TRIP11: variants seen among roughly 807,000 people sequenced by gnomAD.
The protein encoded by TRIP11 is thyroid receptor-interacting protein 11.
TRIP11 carries 148 observed loss-of-function variants against 223.1 expected under a neutral mutation model. The observed-to-expected ratio is 0.66, with a 90% CI of 0.58 to 0.76. TRIP11 has a LOEUF of 0.76. TRIP11 is among the 30% of genes least tolerant of loss of function. TRIP11 has a pLI of 0.00. For synonymous variants in TRIP11, 762 were observed against 772.6 expected (o/e 0.99, Z 0.23); for missense variants, 2,043 against 2,222.0 (o/e 0.92, Z 1.62).
intron 16 of TRIP11, among the ~76,000 whole-genome samples, chr14:91,983,194 T>C (rs1456368875): frequency 6.6e-6 from 1 of 152,256 alleles, no homozygotes; most frequent in Non-Finnish European, 1.5e-5. Flanking sequence ...ATGTATTTGA[T>C]GCATGTCATC....
rs2057361533 is a variant in TRIP11 at position 92,039,597 on chromosome 14, A to C, written c.89T>G (p.Ile30Arg). The C allele has an allele frequency of 3.7e-6, 6 of 1,613,834 alleles. No homozygotes were observed. Among genetic ancestry groups the C allele is most frequent in the Non-Finnish European group, 4.2e-6 (5 of 1,179,930 alleles). The change falls in exon 1 of 21, where the codon ATA becomes AGA. Residue 30 changes from isoleucine (I) to arginine (R), a missense_variant. Physicochemically the swap from Ile to Arg is moderately conservative, Grantham distance 97 (BLOSUM62 -3). Coordinates refer to ENST00000267622, the MANE Select transcript of TRIP11 (RefSeq NM_004239.4). ...GGSLASLTGQ[I>R]SNFTKDMLME... is the part of the protein sequence containing the mutation. ...CAGCATATCCTTTGTAAAGTTTGATATCTGGCCAGTGAGGGAAGCCAGGCT... is the reference window on the plus strand; with the variant it reads ...CAGCATATCCTTTGTAAAGTTTGATCTCTGGCCAGTGAGGGAAGCCAGGCT...
At chr14:92,025,183 T>A (rs556992711) in intron 3 of TRIP11, 127 bp downstream of exon 3, 1 of 737,188 alleles carries the variant, frequency 1.4e-6, no homozygotes, top group African/African-American at 1.8e-5. Context: ...GAGTCGAAAA[T>A]CATTAAATTC....
chr14:92,007,051 A>G (rs1408955582), intron 10 of TRIP11, among the ~76,000 whole-genome samples: 1 of 146,926 alleles, frequency 6.8e-6, no homozygotes, highest in Non-Finnish European at 1.5e-5. Flanking sequence ...TTTTTGAGAC[A>G]GAGTCGCTCT....
intron 16 of TRIP11, among the ~76,000 whole-genome samples, chr14:91,982,533 G>C (rs2140091722): frequency 6.6e-6 from 1 of 152,250 alleles, no homozygotes; most frequent in Non-Finnish European, 1.5e-5. Flanking sequence ...TGAGTGACAA[G>C]ATCATTTGTA....
intron 12 of TRIP11, among the ~76,000 whole-genome samples, chr14:91,999,761 T>C (rs1361565672): frequency 2.0e-5 from 3 of 152,182 alleles, no homozygotes; most frequent in Non-Finnish European, 2.9e-5. Flanking sequence ...CAATTTTTCT[T>C]ATATCCGAGA....
intron 9 of TRIP11, 76 bp from the exon 10 acceptor site, chr14:92,007,928 C>A (rs1487791414): frequency 4.3e-6 from 5 of 1,171,672 alleles, no homozygotes; most frequent in Non-Finnish European, 6.1e-6. Flanking sequence ...TACATAGAAG[C>A]AAAACTTGGG....
At chr14:92,001,211 T>A (rs961215904) in intron 11 of TRIP11, among the ~76,000 whole-genome samples, 5 of 152,204 alleles carry the variant, frequency 3.3e-5, no homozygotes, top group African/African-American at 1.2e-4. Context: ...ATGAACCTAT[T>A]TACAGTTTAG....
At position 92,015,776 on chromosome 14, in the gene TRIP11, G is replaced by C. The variant is rs1389737286; in HGVS notation, c.743C>G (p.Thr248Arg). ...TTCTCGATGTCGTCGACTTATTTCT[G>C]TCAATTTCTGTTGGTGTGCATTCTG... The part of the protein sequence containing the change: ...VLQNAHQQKL[T>R]EISRRHREEL... The change falls in exon 6 of 21, where the codon ACA becomes AGA. Residue 248 changes from threonine (T) to arginine (R), a missense_variant. Coordinates refer to ENST00000267622, the MANE Select transcript of TRIP11 (RefSeq NM_004239.4). 3 of 1,613,428 alleles carry C rather than the reference G, an allele frequency of 1.9e-6. No individual in the cohort carries two copies. The highest frequency in any genetic ancestry group is 2.2e-5 in the East Asian group (1 of 44,856).
chr14:91,992,079 CAAAAAAAA>C (rs3031548), intron 15 of TRIP11, among the ~76,000 whole-genome samples: 12 of 59,734 alleles, frequency 2.0e-4, no homozygotes, highest in African/African-American at 7.4e-4. Context: ...AACGCCGTCT[CAAAAAAAA>C]AAAAAAAAAA....
At chr14:92,018,829 C>T (rs867897141) in intron 4 of TRIP11, among the ~76,000 whole-genome samples, 33 of 151,402 alleles carry the variant, frequency 2.2e-4, no homozygotes, top group Non-Finnish European at 4.6e-4. Context: ...GGAGTGGTGG[C>T]GGGTGCCCGT....
intron 1 of TRIP11, among the ~76,000 whole-genome samples, chr14:92,034,549 C>T (rs573136823): frequency 3.9e-5 from 6 of 152,136 alleles, no homozygotes; most frequent in Admixed American, 3.9e-4. Flanking sequence ...GACCTATAAA[C>T]GAAGAAAAAT....
At position 92,005,727 on chromosome 14, in the gene TRIP11, C is replaced by G. The variant is rs200611568; in HGVS notation, c.2249G>C (p.Arg750Pro). 1 of 1,613,848 alleles carries G rather than the reference C, an allele frequency of 6.2e-7. No individual in the cohort carries two copies. Among genetic ancestry groups the G allele is most frequent in the African/African-American group, 1.3e-5 (1 of 74,928 alleles). Reference protein sequence around the residue: ...EKTIEELSNARNLNTSALQLE... With the variant: ...EKTIEELSNAPNLNTSALQLE... ...CTGTAAGGCAGAGGTATTCAAATTA[C>G]GTGCATTTGACAGTTCTTCAATGGT... Residue 750 changes from arginine (R) to proline (P), a missense_variant, in exon 11 of 21, where the codon CGT becomes CCT. Arg to Pro is a moderately radical substitution (Grantham distance 103). Coordinates refer to ENST00000267622, the MANE Select transcript of TRIP11 (RefSeq NM_004239.4).
Position 91,975,063 on chromosome 14 carries a change from T to A in TRIP11, c.5457+109A>T. 5 of 1,022,798 alleles carry A rather than the reference T, an allele frequency of 4.9e-6. No homozygotes were observed. The South Asian group carries it at 6.6e-5, about 13-fold the overall frequency. 63.4% of individuals were successfully genotyped at this position (1,022,798 alleles called of 1,614,324 possible). On this transcript the variant is annotated intron_variant, in intron 18 of 20. Coordinates refer to ENST00000267622, the MANE Select transcript of TRIP11 (RefSeq NM_004239.4). ...GTATGAAGTAATTCCATTTCCACAC[T>A]GAGAAAATTACACTCAGTAAAAGTT... is the stretch of plus-strand genomic sequence containing the variant.
rs142182577 is a variant in TRIP11 at position 91,972,161 on chromosome 14, C to T, written c.5719+556G>A. Among the ~76,000 whole-genome samples the T allele has an allele frequency of 4.1e-4, 62 of 152,322 alleles. No individual in the cohort carries two copies. In the Middle Eastern group the frequency reaches 0.014, roughly 33 times the overall value. On this transcript the variant is annotated intron_variant, in intron 20 of 20. Transcript: ENST00000267622. ...ATATGTACACGTTAACCACCACCAA[C>T]CGTCCGCTCTAGGCAGATCTTTCAA...
At chr14:91,994,346 C>G (rs1443000598) in intron 14 of TRIP11, among the ~76,000 whole-genome samples, 2 of 149,426 alleles carry the variant, frequency 1.3e-5, no homozygotes, top group East Asian at 3.9e-4. Flanking sequence ...CTCACTGCAA[C>G]CTCCTCCTCC....
chr14:92,023,274 C>T (rs556362423), intron 3 of TRIP11, among the ~76,000 whole-genome samples: 139 of 152,210 alleles, frequency 9.1e-4, no homozygotes, highest in African/African-American at 3.0e-3. Context: ...TATCCTTATC[C>T]GAATGCTTGG....
At chr14:92,025,895 A>AAT (rs201160904) in intron 2 of TRIP11, among the ~76,000 whole-genome samples, 6 of 151,504 alleles carry the variant, frequency 4.0e-5, no homozygotes, top group African/African-American at 1.5e-4. Context: ...AAAAAAAAAA[A>AAT]GCACTGACCA....
intron 1 of TRIP11, among the ~76,000 whole-genome samples, chr14:92,034,097 G>T (rs1225525039): frequency 2.0e-5 from 3 of 152,180 alleles, no homozygotes; most frequent in Non-Finnish European, 4.4e-5. Context: ...AGTTAGAAGA[G>T]AAGTGACTTC....
At chr14:92,032,609 T>C (rs1282830018) in intron 2 of TRIP11, among the ~76,000 whole-genome samples, 1 of 151,764 alleles carries the variant, frequency 6.6e-6, no homozygotes, top group Non-Finnish European at 1.5e-5. Flanking sequence ...CTAAGGCGGG[T>C]GAATCACGAG....
Sources: gnomAD v4.1 joint callset for allele counts (sites outside exome capture counted in the v4.1 genomes callset) on GRCh38, gnomAD v4.1.1 for gene constraint, MANE v1.5 for transcripts, NCBI Gene and HGNC (gene_info 2026-07-23, HGNC 2026-07-21) for gene names.